The following UGT1A8 variants were observed in gnomAD, a reference collection of about 807,000 sequenced individuals.
UGT1A8 encodes UDP-glucuronosyltransferase 1A8.
UGT1A8 carries 39 observed loss-of-function variants against 45.3 expected under a neutral mutation model. The observed-to-expected ratio is 0.86, with a 90% CI of 0.67 to 1.12. UGT1A8 has a LOEUF of 1.12. Ranked by LOEUF, UGT1A8 falls within the 50% of genes most tolerant of loss-of-function variation. UGT1A8 has a pLI of 0.00. For missense variants in UGT1A8, 719 were observed against 664.9 expected (o/e 1.08, Z -0.90); for synonymous variants, 275 against 249.2 (o/e 1.10, Z -0.97).
At chr2:233,734,324 A>G (rs1395140152) in intron 1 of UGT1A8, among the ~76,000 whole-genome samples, 1 of 152,194 alleles carries the variant, frequency 6.6e-6, no homozygotes, top group Non-Finnish European at 1.5e-5. Flanking sequence ...ACGTATTTAT[A>G]GTATTCTCTG....
chr2:233,693,713 C>T (rs370730386), intron 1 of UGT1A8: 2 of 1,614,058 alleles, frequency 1.2e-6, no homozygotes, highest in African/African-American at 2.7e-5. Context: ...ATCAGCTGTC[C>T]TCAAGAGAGA....
intron 1 of UGT1A8, among the ~76,000 whole-genome samples, chr2:233,710,471 G>A (rs963100738): frequency 2.6e-5 from 4 of 152,226 alleles, no homozygotes. Flanking sequence ...TGGGTGTGTA[G>A]TAGAATTTCA....
intron 1 of UGT1A8, among the ~76,000 whole-genome samples, chr2:233,661,890 A>C (rs2073978863): frequency 6.6e-6 from 1 of 152,002 alleles, no homozygotes; most frequent in Admixed American, 6.6e-5. Flanking sequence ...ATATGCACCA[A>C]ACATGACAAA....
intron 1 of UGT1A8, among the ~76,000 whole-genome samples, chr2:233,637,570 T>C (rs1335044042): frequency 6.6e-6 from 1 of 152,212 alleles, no homozygotes; most frequent in Non-Finnish European, 1.5e-5. Context: ...CTTGAAAGTA[T>C]ATGTAATAAT....
intron 1 of UGT1A8, among the ~76,000 whole-genome samples, chr2:233,633,567 T>C (rs2073228876): frequency 6.6e-6 from 1 of 152,224 alleles, no homozygotes; most frequent in Non-Finnish European, 1.5e-5. Flanking sequence ...AATTTATCCA[T>C]TTCTCCTAGA....
At chr2:233,760,294 G>A (rs1697387669) in intron 1 of UGT1A8, 1 of 1,613,420 alleles carries the variant, frequency 6.2e-7, no homozygotes, top group East Asian at 2.2e-5. Context: ...CGCCATGGCT[G>A]TGGAGTCCCA....
rs2077420155 is a variant in UGT1A8 at position 233,725,272 on chromosome 2, AGG to A, written c.856-41761_856-41760del. ...GAGGAGGCAGAGGCAGAGGAGGCAG[AGG>A]CAGAGGCAGAGGCAGAGGCAGAGGC... is the stretch of plus-strand genomic sequence containing the variant. On this transcript the variant is annotated intron_variant, in intron 1 of 4. Coordinates refer to ENST00000373450, the MANE Select transcript of UGT1A8 (RefSeq NM_019076.5). Among the ~76,000 whole-genome samples, 2 of 38,426 alleles carry A rather than the reference AGG, an allele frequency of 5.2e-5. 1 individual carries two copies. Among genetic ancestry groups the A allele is most frequent in the Admixed American group, 5.0e-4 (2 of 3,998 alleles). The allele number at this position is 38,426 out of a possible 152,430, so 25.2% of individuals were successfully genotyped here. A position where few individuals can be genotyped will look rare whatever the true frequency, so the allele number is the denominator to read the frequency against.
rs2073126528 is a variant in UGT1A8 at position 233,628,231 on chromosome 2, A to G, written c.855+9669A>G. Among the ~76,000 whole-genome samples, 4 of 152,108 alleles carry G rather than the reference A, an allele frequency of 2.6e-5. No individual in the cohort carries two copies. In the South Asian group the frequency reaches 8.3e-4, roughly 31 times the overall value. ...ATTTGTGCATATTTTAAAGTAATAA[A>G]TAATAACATGGTATCTGCACATGGT... On this transcript the variant is annotated intron_variant, in intron 1 of 4. Coordinates refer to ENST00000373450, the MANE Select transcript of UGT1A8 (RefSeq NM_019076.5).
chr2:233,744,670 C>T (rs1462469986), intron 1 of UGT1A8, among the ~76,000 whole-genome samples: 1 of 151,906 alleles, frequency 6.6e-6, no homozygotes, highest in Non-Finnish European at 1.5e-5. Flanking sequence ...TGATATTACA[C>T]ATCACCCATG....
chr2:233,738,537 C>G (rs761358623), intron 1 of UGT1A8, among the ~76,000 whole-genome samples: 3 of 152,168 alleles, frequency 2.0e-5, no homozygotes, highest in Non-Finnish European at 2.9e-5. Context: ...GAAGTCCAGG[C>G]TGAGTCTCAG....
intron 1 of UGT1A8, among the ~76,000 whole-genome samples, chr2:233,731,698 G>C (rs2078194443): frequency 6.6e-6 from 1 of 152,202 alleles, no homozygotes; most frequent in South Asian, 2.1e-4. Context: ...TGGACATTTG[G>C]ATTGGTTCCA....
intron 1 of UGT1A8, among the ~76,000 whole-genome samples, chr2:233,647,588 G>A (rs917046139): frequency 6.6e-6 from 1 of 152,164 alleles, no homozygotes; most frequent in African/African-American, 2.4e-5. Context: ...TGTCATTTGT[G>A]TTATTAATTT....
intron 1 of UGT1A8, among the ~76,000 whole-genome samples, chr2:233,628,957 T>A (rs951157701): frequency 1.3e-5 from 2 of 152,120 alleles, no homozygotes; most frequent in African/African-American, 4.8e-5. Flanking sequence ...TTAATTGTGG[T>A]GAAAACACAT....
At chr2:233,671,170 C>T (rs1286828386) in intron 1 of UGT1A8, among the ~76,000 whole-genome samples, 1 of 152,142 alleles carries the variant, frequency 6.6e-6, no homozygotes, top group African/African-American at 2.4e-5. Context: ...GGAGTGATGG[C>T]GTGTTTAGAA....
At chr2:233,674,675 TTA>T (rs2074292486) in intron 1 of UGT1A8, among the ~76,000 whole-genome samples, 2 of 152,206 alleles carry the variant, frequency 1.3e-5, no homozygotes, top group Non-Finnish European at 2.9e-5. Flanking sequence ...ATAAATGTGT[TTA>T]TGTGTCTATT....
Position 233,634,915 on chromosome 2 carries a change from G to A in UGT1A8, c.855+16353G>A, listed in dbSNP as rs1017587572. 1.3e-5 allele frequency among the ~76,000 whole-genome samples: 2 copies of A among 150,694 alleles called. 1 individual carries two copies. Among genetic ancestry groups the A allele is most frequent in the South Asian group, 4.2e-4 (2 of 4,750 alleles). ...ATAGTGTCAATTGTCCTGACAATTG[G>A]GTATGTTTGTGCAGTGGCTGGTACC... On this transcript the variant is annotated intron_variant, in intron 1 of 4. Transcript: ENST00000373450.
intron 1 of UGT1A8, among the ~76,000 whole-genome samples, chr2:233,700,770 G>A (rs909879042): frequency 6.6e-6 from 1 of 151,558 alleles, no homozygotes; most frequent in African/African-American, 2.4e-5. Flanking sequence ...TGTGCACAAC[G>A]TACAGGTTTG....
At chr2:233,735,705 G>A (rs1237070783) in intron 1 of UGT1A8, among the ~76,000 whole-genome samples, 2 of 151,900 alleles carry the variant, frequency 1.3e-5, no homozygotes, top group African/African-American at 2.4e-5. Flanking sequence ...GGCAGGCCTG[G>A]TGGTGACAAA....
At chr2:233,668,068 T>TA (rs397800883) in intron 1 of UGT1A8, among the ~76,000 whole-genome samples, 7 of 152,000 alleles carry the variant, frequency 4.6e-5, no homozygotes, top group Middle Eastern at 3.4e-3. Context: ...CATTTTTTTT[T>TA]ATTATACTTT....
Sources: gnomAD v4.1 joint callset for allele counts (sites outside exome capture counted in the v4.1 genomes callset) on GRCh38, gnomAD v4.1.1 for gene constraint, MANE v1.5 for transcripts, NCBI Gene and HGNC (gene_info 2026-07-23, HGNC 2026-07-21) for gene names.